Variants in CNTN3 observed in about 807,000 individuals in gnomAD.
CNTN3 encodes contactin-3.
CNTN3 carries 60 observed loss-of-function variants against 119.1 expected under a neutral mutation model. The ratio of observed to expected loss-of-function variants is 0.50; its 90% CI spans 0.41 to 0.62. CNTN3 has a LOEUF of 0.62. Among genes scored for constraint, CNTN3 ranks in the 20% least tolerant of loss-of-function variants. The pLI is 0.00. For synonymous variants in CNTN3, 450 were observed against 438.7 expected, an observed-to-expected ratio of 1.03 and a Z score of -0.32; for missense variants, 1,101 against 1,242.4, an observed-to-expected ratio of 0.89 and a Z score of 1.71.
chr3:74,587,276 T>A (rs1243217176), intron 1 of CNTN3, among the ~76,000 whole-genome samples: 2 of 152,084 alleles, frequency 1.3e-5, no homozygotes, highest in Admixed American at 1.3e-4. Flanking sequence ...GTTTTCCTCC[T>A]CATTCAGACA....
At position 74,494,648 on chromosome 3, in the gene CNTN3, T is replaced by A. The variant is rs144223864; in HGVS notation, c.182+5011A>T. ...TAACAACTTCTGACCCTGTGATCCT[T>A]CATGATATTATTGACTCCTGAAATA... On this transcript the variant is annotated intron_variant, in intron 3 of 22. Coordinates refer to ENST00000263665, the MANE Select transcript of CNTN3 (RefSeq NM_020872.3). Among the ~76,000 whole-genome samples the A allele has an allele frequency of 7.4e-3, 1,120 of 152,212 alleles. 10 individuals are homozygous for A. The highest frequency in any genetic ancestry group is 0.014 in the Middle Eastern group (4 of 294).
intron 1 of CNTN3, among the ~76,000 whole-genome samples, chr3:74,584,543 G>C (rs776917068): frequency 8.6e-5 from 13 of 151,892 alleles, no homozygotes; most frequent in Non-Finnish European, 1.6e-4. Context: ...GCTTCCTGAG[G>C]TCCTCACCAC....
chr3:74,288,693 T>C (rs1702167300), intron 19 of CNTN3, among the ~76,000 whole-genome samples: 1 of 152,166 alleles, frequency 6.6e-6, no homozygotes, highest in South Asian at 2.1e-4. Context: ...TTCTCCCAAA[T>C]TTGGTTCTTT....
intron 5 of CNTN3, among the ~76,000 whole-genome samples, chr3:74,420,833 G>A (rs1218067418): frequency 1.3e-5 from 2 of 152,138 alleles, no homozygotes; most frequent in Non-Finnish European, 2.9e-5. Flanking sequence ...CCTCCTCTCT[G>A]AGGCACACTT....
rs1384166306 is a variant in CNTN3, at chr3:74,496,134, G to A, written c.182+3525C>T. ...ATTTCAAGGGCCACATGTGATTACT[G>A]GCTACCATATTGGACAGCAAACCTC... On this transcript the variant is annotated intron_variant, in intron 3 of 22. Transcript: ENST00000263665. Among the ~76,000 whole-genome samples, 4 of 151,984 alleles carry A rather than the reference G, an allele frequency of 2.6e-5. No homozygotes were observed. The East Asian group carries it at 7.7e-4, about 29-fold the overall frequency.
At position 74,334,786 on chromosome 3, in the gene CNTN3, C is replaced by A. The variant is rs746069906; in HGVS notation, c.1617G>T (p.Gly539=). 4.3e-6 allele frequency: 7 copies of A among 1,613,444 alleles called. No homozygotes were observed. Among genetic ancestry groups the A allele is most frequent in the East Asian group, 4.5e-5 (2 of 44,868 alleles). The part of the protein sequence containing the change: ...LDIIFTWYFN[G]ALADFKKDGS... Reference sequence around the variant, plus strand: ...CATCTTTCTTAAAATCTGCAAGGGCCCCATTGAAATACCAGGTAAAGATGA... The same window carrying A: ...CATCTTTCTTAAAATCTGCAAGGGCACCATTGAAATACCAGGTAAAGATGA... The change falls in exon 13 of 23, where the codon GGG becomes GGT. Residue 539 remains glycine (G), a synonymous_variant. Coordinates refer to ENST00000263665, the MANE Select transcript of CNTN3 (RefSeq NM_020872.3).
intron 19 of CNTN3, among the ~76,000 whole-genome samples, chr3:74,286,176 G>A (rs867534453): frequency 7.2e-5 from 11 of 152,018 alleles, no homozygotes; most frequent in South Asian, 4.2e-4. Flanking sequence ...AAGAGTGAAC[G>A]TAAGGTTGAC....
chr3:74,582,182 G>GGATC (rs1407794015), intron 1 of CNTN3, among the ~76,000 whole-genome samples: 10 of 152,084 alleles, frequency 6.6e-5, no homozygotes, highest in African/African-American at 2.4e-4. Context: ...AGAGGTGGAT[G>GGATC]GATCACAAGG....
chr3:74,414,790 G>A (rs542625003), intron 5 of CNTN3, among the ~76,000 whole-genome samples: 2 of 151,860 alleles, frequency 1.3e-5, no homozygotes, highest in South Asian at 2.1e-4. Flanking sequence ...ACACAAATGC[G>A]CTGTAATGGA....
chr3:74,585,117 T>C (rs1181522840), intron 1 of CNTN3, among the ~76,000 whole-genome samples: 1 of 152,184 alleles, frequency 6.6e-6, no homozygotes, highest in African/African-American at 2.4e-5. Context: ...AAGTAGAAAG[T>C]GGCATATCTA....
intron 2 of CNTN3, among the ~76,000 whole-genome samples, chr3:74,512,813 A>C (rs1186192926): frequency 6.6e-6 from 1 of 151,918 alleles, no homozygotes; most frequent in African/African-American, 2.4e-5. Context: ...CACACAGTAC[A>C]CTGTTCAACA....
intron 4 of CNTN3, among the ~76,000 whole-genome samples, chr3:74,446,683 G>GTTTTTTTTTTT (rs10669743): frequency 3.7e-5 from 5 of 136,960 alleles, no homozygotes; most frequent in African/African-American, 8.0e-5. Flanking sequence ...AATTTTACTT[G>GTTTTTTTTTTT]TTTTTTTTTT....
intron 5 of CNTN3, among the ~76,000 whole-genome samples, chr3:74,392,768 G>C (rs1704947797): frequency 6.6e-6 from 1 of 152,128 alleles, no homozygotes; most frequent in Admixed American, 6.5e-5. Flanking sequence ...GGACTTGGGA[G>C]AAGTACTTTG....
chr3:74,529,220 T>G (rs1362996115), intron 1 of CNTN3, among the ~76,000 whole-genome samples: 1 of 151,930 alleles, frequency 6.6e-6, no homozygotes, highest in Non-Finnish European at 1.5e-5. Context: ...TGTACATATA[T>G]CTATTATCCA....
Position 74,268,027 on chromosome 3 carries a change from C to T in CNTN3, c.2705-649G>A, listed in dbSNP as rs139207127. On this transcript the variant is annotated intron_variant, in intron 20 of 22. Coordinates refer to ENST00000263665, the MANE Select transcript of CNTN3 (RefSeq NM_020872.3). ...TACACATGAAAAATTGCAAGAGAGT[C>T]TATATTTTAAAAGTCTTCGTTTTCC... Among the ~76,000 whole-genome samples, 30 of 152,134 alleles carry T rather than the reference C, an allele frequency of 2.0e-4. No homozygotes were observed. In the East Asian group the frequency reaches 5.8e-3, roughly 29 times the overall value.
chr3:74,293,089 T>G (rs981964422), intron 19 of CNTN3, among the ~76,000 whole-genome samples: 1 of 152,234 alleles, frequency 6.6e-6, no homozygotes, highest in African/African-American at 2.4e-5. Flanking sequence ...CAGTGTTTAT[T>G]ATGTTTAACT....
At chr3:74,367,129 A>C (rs1262048167) in intron 8 of CNTN3, among the ~76,000 whole-genome samples, 1 of 151,964 alleles carries the variant, frequency 6.6e-6, no homozygotes, top group Non-Finnish European at 1.5e-5. Flanking sequence ...TATTTTTTAC[A>C]TGAAATATTA....
intron 13 of CNTN3, among the ~76,000 whole-genome samples, chr3:74,327,106 C>CTT (rs869114498): frequency 1.2e-5 from 1 of 80,184 alleles, no homozygotes; most frequent in African/African-American, 5.4e-5. Context: ...AGGGTTAATC[C>CTT]TTTTTTTTTT....
intron 2 of CNTN3, among the ~76,000 whole-genome samples, chr3:74,513,607 A>G (rs1047587081): frequency 1.3e-5 from 2 of 151,814 alleles, no homozygotes; most frequent in Non-Finnish European, 2.9e-5. Flanking sequence ...GCTTCCACAA[A>G]TAAGGGCTGG....
Sources: allele counts gnomAD v4.1 joint callset (sites outside exome capture counted in the v4.1 genomes callset), GRCh38; gene constraint gnomAD v4.1.1; transcripts MANE v1.5; gene names NCBI Gene and HGNC (gene_info 2026-07-23, HGNC 2026-07-21).